Variants in GDF2 observed in about 807,000 individuals in gnomAD.
GDF2 encodes growth/differentiation factor 2.
GDF2 carries 17 observed loss-of-function variants against 16.9 expected under a neutral mutation model. The observed-to-expected ratio is 1.00, with a 90% CI of 0.69 to 1.51. The LOEUF (loss-of-function observed/expected upper bound fraction) is 1.51. Ranked by LOEUF, GDF2 falls within the 40% of genes most tolerant of loss-of-function variation. The pLI is 0.00. For missense variants in GDF2, 523 were observed against 556.3 expected (o/e 0.94, Z 0.60); for synonymous variants, 276 against 237.6 (o/e 1.16, Z -1.49).
intron 1 of GDF2, among the ~76,000 whole-genome samples, chr10:47,324,135 A>T (rs893074938): frequency 6.6e-6 from 1 of 152,258 alleles, no homozygotes; most frequent in Admixed American, 6.5e-5. Flanking sequence ...ATATCGAGAT[A>T]ACTATGTGGC....
Position 47,326,339 on chromosome 10 carries a change from A to T in GDF2, c.*555A>T. 3 of 152,464 alleles carry T rather than the reference A, an allele frequency of 2.0e-5. No homozygotes were observed. Among genetic ancestry groups the T allele is most frequent in the Admixed American group, 2.0e-4 (3 of 15,312 alleles). The allele number at this position is 152,464 out of a possible 1,614,324, so 9.4% of individuals were successfully genotyped here. ...TCCAACTCAGATTTGTGGGACACCA[A>T]AGCCCAGGATCTTCCCAAGTGCCCT... is the stretch of plus-strand genomic sequence containing the variant. On this transcript the variant is annotated 3_prime_UTR_variant, in exon 2 of 2. Coordinates refer to ENST00000581492, the MANE Select transcript of GDF2 (RefSeq NM_016204.4).
In GDF2 at chr10:47,325,405, C is replaced by T. The variant is rs75024165; in HGVS notation, c.911C>T (p.Thr304Met). 9.0e-4 allele frequency: 1,457 copies of T among 1,613,998 alleles called. 13 individuals carry two copies. In the African/African-American group the frequency reaches 0.017, roughly 18 times the overall value. Reference protein sequence around the residue: ...EAGESSHEEDTDGHVAAGSTL... With the variant: ...EAGESSHEEDMDGHVAAGSTL... ...GGTGAGAGCAGTCACGAGGAGGACA[C>T]GGATGGCCACGTGGCTGCGGGGTCG... The change falls in exon 2 of 2, where the codon ACG becomes ATG. Residue 304 changes from threonine (T) to methionine (M), a missense_variant. Coordinates refer to ENST00000581492, the MANE Select transcript of GDF2 (RefSeq NM_016204.4).
rs972149965 is a variant in GDF2 at position 47,326,662 on chromosome 10, G to T, written c.*878G>T. ...GTGGCTGGAGTTATTGTGACCCCCT[G>T]GTGCAGTGCTCCCACGGCCAGTGGT... On this transcript the variant is annotated 3_prime_UTR_variant, in exon 2 of 2. Coordinates refer to ENST00000581492, the MANE Select transcript of GDF2 (RefSeq NM_016204.4). 2.0e-5 allele frequency among the ~76,000 whole-genome samples: 3 copies of T among 152,206 alleles called. No homozygotes were observed. The highest frequency in any genetic ancestry group is 4.4e-5 in the Non-Finnish European group (3 of 68,032).
chr10:47,326,483 C>T lies in GDF2; in HGVS notation c.*699C>T, dbSNP rs2061107727. On this transcript the variant is annotated 3_prime_UTR_variant, in exon 2 of 2. Coordinates refer to ENST00000581492, the MANE Select transcript of GDF2 (RefSeq NM_016204.4). ...ACAGGTGTGACTGGGCTGCTTGTCA[C>T]ACACAGGGCGTGGTCTGGCCACTGT... Among the ~76,000 whole-genome samples the T allele has an allele frequency of 6.6e-6, 1 of 152,208 alleles. No homozygotes were observed. The highest frequency in any genetic ancestry group is 1.5e-5 in the Non-Finnish European group (1 of 68,044).
At position 47,325,603 on chromosome 10, in the gene GDF2, C is replaced by T; in HGVS notation, c.1109C>T (p.Pro370Leu). The T allele has an allele frequency of 1.9e-6, 3 of 1,614,120 alleles. No homozygotes were observed. The highest frequency in any genetic ancestry group is 1.7e-6 in the Non-Finnish European group (2 of 1,180,028). Residue 370 changes from proline (P) to leucine (L), a missense_variant, in exon 2 of 2, where the codon CCG (proline) becomes CTG (leucine). By Grantham distance (98) the Pro-to-Leu change is moderately conservative. Transcript: ENST00000581492. ...CFFPLADDVT[P>L]TKHAIVQTLV... is the part of the protein sequence containing the mutation. ...TTCCCCTTGGCTGACGATGTGACGC[C>T]GACGAAACACGCTATCGTGCAGACC...
chr10:47,323,691 A>C (rs1474644273), intron 1 of GDF2, among the ~76,000 whole-genome samples: 1 of 152,210 alleles, frequency 6.6e-6, no homozygotes, highest in Non-Finnish European at 1.5e-5. Flanking sequence ...CAGGGGAAAT[A>C]AGTTTCTGAA....
Position 47,326,114 on chromosome 10 carries a change from C to A in GDF2, c.*330C>A. On this transcript the variant is annotated 3_prime_UTR_variant, in exon 2 of 2. Coordinates refer to ENST00000581492, the MANE Select transcript of GDF2 (RefSeq NM_016204.4). The stretch of plus-strand genomic sequence containing the variant: ...GCCAGAGGAGCACAGGCGGGCAGGT[C>A]ACTGCAGAGACTGATGGAAGTTAGA... 1 of 240,014 alleles carries A rather than the reference C, an allele frequency of 4.2e-6. No individual in the cohort carries two copies. The highest frequency in any genetic ancestry group is 8.1e-6 in the Non-Finnish European group (1 of 123,510). The allele number at this position is 240,014 out of a possible 1,614,324, so 14.9% of individuals were successfully genotyped here. A position where few individuals can be genotyped will look rare whatever the true frequency, so the allele number is the denominator to read the frequency against.
In GDF2 at chr10:47,325,406, G is replaced by A. The variant is rs201627211; in HGVS notation, c.912G>A (p.Thr304=). 10 of 1,613,922 alleles carry A rather than the reference G, an allele frequency of 6.2e-6. No homozygotes were observed. The highest frequency in any genetic ancestry group is 3.3e-5 in the South Asian group (3 of 91,084). The change falls in exon 2 of 2, where the codon ACG becomes ACA. Residue 304 remains threonine (T), a synonymous_variant. Coordinates refer to ENST00000581492, the MANE Select transcript of GDF2 (RefSeq NM_016204.4). Reference sequence around the variant, plus strand: ...GTGAGAGCAGTCACGAGGAGGACACGGATGGCCACGTGGCTGCGGGGTCGA... The same window carrying A: ...GTGAGAGCAGTCACGAGGAGGACACAGATGGCCACGTGGCTGCGGGGTCGA... ...EAGESSHEED[T]DGHVAAGSTL...
Position 47,325,493 on chromosome 10 carries a change from G to A in GDF2, c.999G>A (p.Arg333=). Residue 333 remains arginine, a synonymous_variant, in exon 2 of 2, where the codon CGG becomes CGA. Transcript: ENST00000581492. ...GCCACTGTCAAAAGACCTCCCTGCG[G>A]GTAAACTTCGAGGACATCGGCTGGG... ...AGSHCQKTSL[R]VNFEDIGWDS... The A allele has an allele frequency of 6.2e-7, 1 of 1,614,034 alleles. No homozygotes were observed. Among genetic ancestry groups the A allele is most frequent in the Admixed American group, 1.7e-5 (1 of 60,030 alleles).
chr10:47,325,846 C>T lies in GDF2; in HGVS notation c.*62C>T, dbSNP rs879956613. 42 of 1,214,196 alleles carry T rather than the reference C, an allele frequency of 3.5e-5. 1 individual carries two copies. In the East Asian group the frequency reaches 8.1e-4, roughly 23 times the overall value. The allele number at this position is 1,214,196 out of a possible 1,614,324, so 75.2% of individuals were successfully genotyped here. On this transcript the variant is annotated 3_prime_UTR_variant, in exon 2 of 2. Coordinates refer to ENST00000581492, the MANE Select transcript of GDF2 (RefSeq NM_016204.4). ...GCTCCACATGAGAGGTCCTGCATGC[C>T]CCTGGGCACAACAAGGACTGATTCA...
rs2061090048 is a variant in GDF2, at chr10:47,322,943, T to C, written c.275T>C (p.Leu92Pro). 1 of 1,613,728 alleles carries C rather than the reference T, an allele frequency of 6.2e-7. No individual in the cohort carries two copies. The highest frequency in any genetic ancestry group is 8.5e-7 in the Non-Finnish European group (1 of 1,179,682). The stretch of plus-strand genomic sequence containing the variant: ...GAGCCGCCGCAGTACATGATTGACC[T>C]GTACAACAGGTACACGTCCGATAAG... ...RVEPPQYMID[L>P]YNRYTSDKST... Residue 92 changes from leucine (L) to proline (P), a missense_variant, in exon 1 of 2, where the codon CTG (leucine) becomes CCG (proline). Transcript: ENST00000581492.
intron 1 of GDF2, among the ~76,000 whole-genome samples, chr10:47,323,794 A>C (rs375663212): frequency 9.2e-5 from 14 of 152,330 alleles, no homozygotes; most frequent in African/African-American, 3.4e-4. Context: ...GGAAGTGTTA[A>C]ACCTGTCTGC....
At position 47,325,595 on chromosome 10, in the gene GDF2, T is replaced by A. The variant is rs1415249127; in HGVS notation, c.1101T>A (p.Asp367Glu). 1.8e-5 allele frequency: 29 copies of A among 1,613,976 alleles called. No individual in the cohort carries two copies. Among genetic ancestry groups the A allele is most frequent in the Non-Finnish European group, 2.5e-5 (29 of 1,180,034 alleles). ...KGGCFFPLAD[D>E]VTPTKHAIVQ... is the part of the protein sequence containing the mutation. Reference sequence around the variant, plus strand: ...GCTGCTTCTTCCCCTTGGCTGACGATGTGACGCCGACGAAACACGCTATCG... The same window carrying A: ...GCTGCTTCTTCCCCTTGGCTGACGAAGTGACGCCGACGAAACACGCTATCG... Residue 367 changes from aspartate to glutamate, a missense_variant, in exon 2 of 2, where the codon GAT becomes GAA. Transcript: ENST00000581492.
Position 47,322,605 on chromosome 10 carries a change from C to T in GDF2, c.-64C>T. ...CGGCCCGCTCCTTCCCAGCTCCTCC[C>T]CGTGCCCGCTAACACAGCACGGCCG... On this transcript the variant is annotated 5_prime_UTR_variant, in exon 1 of 2. Transcript: ENST00000581492. 2 of 1,244,468 alleles carry T rather than the reference C, an allele frequency of 1.6e-6. No individual in the cohort carries two copies. The highest frequency in any genetic ancestry group is 3.3e-5 in the South Asian group (2 of 61,166). The allele number at this position is 1,244,468 out of a possible 1,614,324, so 77.1% of individuals were successfully genotyped here.
In GDF2 at chr10:47,326,824, T is replaced by A. The variant is rs1555209185; in HGVS notation, c.*1040T>A. 6.6e-6 allele frequency among the ~76,000 whole-genome samples: 1 copy of A among 152,252 alleles called. No homozygotes were observed. Among genetic ancestry groups the A allele is most frequent in the East Asian group, 1.9e-4 (1 of 5,196 alleles). Reference sequence around the variant, plus strand: ...ACTCTGCATAGCCAGCTCACCAGCATGCCATGCCCAGGGTGCCCCCCAGTG... The same window carrying A: ...ACTCTGCATAGCCAGCTCACCAGCAAGCCATGCCCAGGGTGCCCCCCAGTG... On this transcript the variant is annotated 3_prime_UTR_variant, in exon 2 of 2. Transcript: ENST00000581492.
rs782179438 is a variant in GDF2, at chr10:47,327,105, C to A, written c.*1321C>A. Among the ~76,000 whole-genome samples the A allele has an allele frequency of 2.6e-5, 4 of 152,190 alleles. No individual in the cohort carries two copies. Among genetic ancestry groups the A allele is most frequent in the Non-Finnish European group, 5.9e-5 (4 of 68,040 alleles). On this transcript the variant is annotated 3_prime_UTR_variant, in exon 2 of 2. Transcript: ENST00000581492. ...CCCCGCCTGGGCTCGGACTGTGGGA[C>A]CAGACTCAGCCTCCCCGAACACAAG... is the stretch of plus-strand genomic sequence containing the variant.
rs1771968318 is a variant in GDF2 at position 47,322,868 on chromosome 10, T to C, written c.200T>C (p.Leu67Pro). 1 of 1,614,178 alleles carries C rather than the reference T, an allele frequency of 6.2e-7. No individual in the cohort carries two copies. The highest frequency in any genetic ancestry group is 1.3e-5 in the African/African-American group (1 of 75,054). ...CTGGAGAACGTGAAGGTGGATTTCC[T>C]GCGCAGCCTTAACCTGAGTGGGGTC... ...MFLENVKVDF[L>P]RSLNLSGVPS... Residue 67 changes from leucine to proline, a missense_variant, in exon 1 of 2, where the codon CTG becomes CCG. By Grantham distance (98) the Leu-to-Pro change is moderately conservative. Transcript: ENST00000581492.
At chr10:47,324,191 G>A (rs189333557) in intron 1 of GDF2, among the ~76,000 whole-genome samples, 1 of 152,328 alleles carries the variant, frequency 6.6e-6, no homozygotes, top group East Asian at 1.9e-4. Context: ...AGCAATTGAA[G>A]CTAATAGATT....
In GDF2 at chr10:47,324,954, G is replaced by A. The variant is rs782453381; in HGVS notation, c.460G>A (p.Val154Ile). The change falls in exon 2 of 2, where the codon GTC becomes ATC. Residue 154 changes from valine to isoleucine, a missense_variant. Physicochemically the swap from Val to Ile is conservative, Grantham distance 29. Coordinates refer to ENST00000581492, the MANE Select transcript of GDF2 (RefSeq NM_016204.4). ...QITRAELRLY[V>I]SCQNHVDPSH... is the part of the protein sequence containing the mutation. ...CACCAGAGCTGAGCTCCGACTCTAT[G>A]TCTCCTGTCAAAATCACGTGGACCC... 3.7e-6 allele frequency: 6 copies of A among 1,614,142 alleles called. No individual in the cohort carries two copies. Among genetic ancestry groups the A allele is most frequent in the Non-Finnish European group, 5.1e-6 (6 of 1,180,004 alleles).
Sources: allele counts gnomAD v4.1 joint callset (sites outside exome capture counted in the v4.1 genomes callset), GRCh38; gene constraint gnomAD v4.1.1; transcripts MANE v1.5; gene names NCBI Gene and HGNC (gene_info 2026-07-23, HGNC 2026-07-21).